IL1RAPL2: variants seen among roughly 807,000 people sequenced by gnomAD.
IL1RAPL2 encodes interleukin 1 receptor accessory protein like 2, also known as X-linked interleukin-1 receptor accessory protein-like 2.
A neutral mutation model predicts 44.1 loss-of-function variants in IL1RAPL2; 3 were observed. That is an observed-to-expected ratio of 0.07 (90% CI 0.03 to 0.18). The LOEUF (loss-of-function observed/expected upper bound fraction) is 0.18, where lower values mean the gene tolerates loss of function less well. Among genes scored for constraint, IL1RAPL2 ranks in the 10% least tolerant of loss-of-function variants. IL1RAPL2 has a pLI of 1.00. For missense variants in IL1RAPL2, 391 were observed against 496.4 expected (o/e 0.79, Z 2.02); for synonymous variants, 181 against 178.8 (o/e 1.01, Z -0.10).
chrX:105,156,869 G>C (rs1250021486), intron 2 of IL1RAPL2, among the ~76,000 whole-genome samples: 1 of 110,859 alleles, frequency 9.0e-6, no homozygotes, highest in Non-Finnish European at 1.9e-5. Flanking sequence ...CCTTAAATTG[G>C]TAAGATTTAA....
chrX:105,350,913 C>G (rs1231022860), intron 5 of IL1RAPL2, among the ~76,000 whole-genome samples: 1 of 111,524 alleles, frequency 9.0e-6, no homozygotes, highest in Admixed American at 9.6e-5. Flanking sequence ...CTACAAAGAA[C>G]TTAAACAAAT....
intron 6 of IL1RAPL2, among the ~76,000 whole-genome samples, chrX:105,657,259 T>C (rs988230071): frequency 1.8e-5 from 2 of 112,507 alleles, no homozygotes; most frequent in Non-Finnish European, 3.8e-5. Context: ...GAGCCTGTCA[T>C]TTAGAAATTT....
chrX:104,575,583 G>A (rs1392470833), intron 1 of IL1RAPL2, among the ~76,000 whole-genome samples: 1 of 111,304 alleles, frequency 9.0e-6, no homozygotes, highest in Non-Finnish European at 1.9e-5. Flanking sequence ...GGCAGATGCT[G>A]CATATCTTGG....
At chrX:105,078,695 C>T (rs1248774437) in intron 2 of IL1RAPL2, among the ~76,000 whole-genome samples, 1 of 104,956 alleles carries the variant, frequency 9.5e-6, no homozygotes, top group Non-Finnish European at 2.0e-5. Flanking sequence ...TTCGAGCTTC[C>T]TGGCCGCTTT....
intron 2 of IL1RAPL2, among the ~76,000 whole-genome samples, chrX:104,905,245 T>C (rs144887376): frequency 0.056 from 6,250 of 111,462 alleles, 453 homozygotes; most frequent in African/African-American, 0.2. Context: ...TTCTCCCATT[T>C]TGTAGGTTTC....
At chrX:104,635,559 T>A (rs1298902833) in intron 1 of IL1RAPL2, among the ~76,000 whole-genome samples, 2 of 111,883 alleles carry the variant, frequency 1.8e-5, no homozygotes, top group African/African-American at 6.5e-5. Context: ...TTCTTTTTTC[T>A]CTAAACTTCT....
intron 2 of IL1RAPL2, among the ~76,000 whole-genome samples, chrX:105,015,129 G>T (rs2031146485): frequency 9.1e-6 from 1 of 109,738 alleles, no homozygotes; most frequent in South Asian, 3.8e-4. Context: ...AGAAGTGTCT[G>T]TTCATATCTT....
chrX:104,764,217 G>A (rs1337887988), intron 2 of IL1RAPL2, among the ~76,000 whole-genome samples: 1 of 109,989 alleles, frequency 9.1e-6, no homozygotes, highest in Non-Finnish European at 1.9e-5. Flanking sequence ...TCATTTTTTG[G>A]TGTCTTCTGC....
chrX:105,022,244 T>C (rs1027926023), intron 2 of IL1RAPL2, among the ~76,000 whole-genome samples: 3 of 111,260 alleles, frequency 2.7e-5, no homozygotes, highest in African/African-American at 9.8e-5. Flanking sequence ...GAAACTCTTG[T>C]AAAGCTAGGC....
chrX:104,727,859 G>A (rs1372268017), intron 2 of IL1RAPL2, among the ~76,000 whole-genome samples: 1 of 109,705 alleles, frequency 9.1e-6, no homozygotes, highest in African/African-American at 3.3e-5. Context: ...AAATAACTCA[G>A]AAAGTAAAAT....
chrX:105,224,638 G>A (rs188243600), intron 3 of IL1RAPL2, among the ~76,000 whole-genome samples: 129 of 112,079 alleles, frequency 1.2e-3, no homozygotes, highest in Non-Finnish European at 2.1e-3. Flanking sequence ...GTAATCATAT[G>A]TAAAGAAAAC....
chrX:105,511,912 G>A (rs1158879955), intron 6 of IL1RAPL2, among the ~76,000 whole-genome samples: 3 of 110,155 alleles, frequency 2.7e-5, no homozygotes, highest in Middle Eastern at 4.6e-3. Flanking sequence ...TAGGAACTAC[G>A]TTTATACAGG....
chrX:104,880,215 T>A (rs899394805), intron 2 of IL1RAPL2, among the ~76,000 whole-genome samples: 1 of 111,440 alleles, frequency 9.0e-6, no homozygotes, highest in Non-Finnish European at 1.9e-5. Context: ...AATCTTAGAA[T>A]TGGGGACATA....
intron 2 of IL1RAPL2, among the ~76,000 whole-genome samples, chrX:104,967,581 G>A (rs1054020215): frequency 9.0e-6 from 1 of 111,152 alleles, no homozygotes; most frequent in Non-Finnish European, 1.9e-5. Context: ...GACAAACCTT[G>A]TAGAATCAAC....
At chrX:104,709,612 T>C (rs1477617929) in intron 2 of IL1RAPL2, among the ~76,000 whole-genome samples, 1 of 111,222 alleles carries the variant, frequency 9.0e-6, no homozygotes, top group Non-Finnish European at 1.9e-5. Flanking sequence ...TCTTCTCTTT[T>C]TGGCATGTGT....
chrX:105,051,134 T>TACTGGGGACCC (rs2031916173), intron 2 of IL1RAPL2, among the ~76,000 whole-genome samples: 1 of 112,328 alleles, frequency 8.9e-6, no homozygotes, highest in Admixed American at 9.3e-5. Flanking sequence ...TGTGGGGACC[T>TACTGGGGACCC]ACTGGGGACC....
intron 2 of IL1RAPL2, among the ~76,000 whole-genome samples, chrX:105,030,192 A>G (rs919650237): frequency 2.7e-5 from 3 of 111,131 alleles, no homozygotes; most frequent in African/African-American, 3.3e-5. Flanking sequence ...CCATCCTGTA[A>G]GTTGCCTGTT....
intron 6 of IL1RAPL2, among the ~76,000 whole-genome samples, chrX:105,545,206 T>C (rs1381199438): frequency 8.9e-6 from 1 of 112,331 alleles, no homozygotes; most frequent in Non-Finnish European, 1.9e-5. Context: ...CCTTTCAGCA[T>C]TGAAGGTCTT....
At chrX:104,612,084 T>C (rs1350795178) in intron 1 of IL1RAPL2, among the ~76,000 whole-genome samples, 2 of 111,742 alleles carry the variant, frequency 1.8e-5, no homozygotes, top group Non-Finnish European at 3.8e-5. Flanking sequence ...ATTCTGGATA[T>C]TGAACCTTCA....
Sources: gnomAD v4.1 joint callset for allele counts (sites outside exome capture counted in the v4.1 genomes callset) on GRCh38, gnomAD v4.1.1 for gene constraint, MANE v1.5 for transcripts, NCBI Gene and HGNC (gene_info 2026-07-23, HGNC 2026-07-21) for gene names.